SH2D4B: variants seen among roughly 807,000 people sequenced by gnomAD.
SH2D4B encodes the protein SH2 domain containing 4B.
A neutral mutation model predicts 61.5 loss-of-function variants in SH2D4B; 45 were observed. The ratio of observed to expected loss-of-function variants is 0.73; its 90% confidence interval spans 0.58 to 0.94. SH2D4B has a LOEUF of 0.94. Ranked by LOEUF, SH2D4B falls within the 40% of genes least tolerant of loss-of-function variation. The pLI is 0.00. For synonymous variants in SH2D4B, 224 were observed against 220.4 expected (o/e 1.02, Z -0.14); for missense variants, 572 against 574.2 (o/e 1.00, Z 0.04).
chr10:80,541,102 A>G (rs1841572592), intron 1 of SH2D4B, among the ~76,000 whole-genome samples: 1 of 152,216 alleles, frequency 6.6e-6, no homozygotes, highest in African/African-American at 2.4e-5. Flanking sequence ...CACCCAGCAG[A>G]GTCTGGGTTT....
chr10:80,642,295 A>G (rs1840321370), intron 7 of SH2D4B, among the ~76,000 whole-genome samples: 1 of 152,194 alleles, frequency 6.6e-6, no homozygotes, highest in African/African-American at 2.4e-5. Flanking sequence ...GAGTGACTTG[A>G]TTTTTTAACA....
At chr10:80,588,565 T>C in intron 3 of SH2D4B, 65 bp from the exon 4 acceptor site, 3 of 1,587,344 alleles carry the variant, frequency 1.9e-6, no homozygotes, top group African/African-American at 1.3e-5. Context: ...CCCAGAGATA[T>C]TTCTTTCTCG....
chr10:80,601,886 G>A (rs911808796), intron 4 of SH2D4B, among the ~76,000 whole-genome samples: 3 of 152,198 alleles, frequency 2.0e-5, no homozygotes, highest in African/African-American at 7.2e-5. Context: ...GAGAAGAGAA[G>A]GTGACTCACT....
chr10:80,549,819 C>T (rs1339486353), intron 1 of SH2D4B, among the ~76,000 whole-genome samples: 1 of 152,184 alleles, frequency 6.6e-6, no homozygotes, highest in Non-Finnish European at 1.5e-5. Context: ...ACCAGGTGGG[C>T]AGTGAGAGGA....
At position 80,587,327 on chromosome 10, in the gene SH2D4B, G is replaced by A. The variant is rs553188316; in HGVS notation, c.496-1303G>A. Among the ~76,000 whole-genome samples the A allele has an allele frequency of 2.6e-5, 4 of 151,328 alleles. No individual in the cohort carries two copies. The South Asian group carries it at 8.4e-4, about 32-fold the overall frequency. On this transcript the variant is annotated intron_variant, in intron 3 of 7. Transcript: ENST00000646907. ...TGGAGTTTTGCTCTTGTTGCCCAGG[G>A]TGGAGTGCAGTGGTGCGATCTCAGC...
At chr10:80,547,334 CA>C (rs1357044410) in intron 1 of SH2D4B, among the ~76,000 whole-genome samples, 1 of 152,182 alleles carries the variant, frequency 6.6e-6, no homozygotes, top group Non-Finnish European at 1.5e-5. Flanking sequence ...CTTGGGACAC[CA>C]TTGATTTTGG....
chr10:80,571,297 T>C, intron 2 of SH2D4B, 134 bp from the exon 3 acceptor site: 1 of 1,004,142 alleles, frequency 1.0e-6, no homozygotes, highest in Non-Finnish European at 1.4e-6. Flanking sequence ...GAATGCCTAT[T>C]TCTCCCTGTC....
At chr10:80,569,066 T>A (rs1842006159) in intron 1 of SH2D4B, among the ~76,000 whole-genome samples, 1 of 152,248 alleles carries the variant, frequency 6.6e-6, no homozygotes, top group Non-Finnish European at 1.5e-5. Context: ...GATACATTTT[T>A]ATTTTAATCC....
chr10:80,620,290 G>A (rs1020492286), intron 6 of SH2D4B, among the ~76,000 whole-genome samples: 1 of 152,142 alleles, frequency 6.6e-6, no homozygotes, highest in Non-Finnish European at 1.5e-5. Context: ...GTTTAAAAGT[G>A]TGTGGTACCT....
At chr10:80,560,746 C>G (rs967076722) in intron 1 of SH2D4B, among the ~76,000 whole-genome samples, 1 of 116,940 alleles carries the variant, frequency 8.6e-6, no homozygotes, top group Non-Finnish European at 1.6e-5. Context: ...CAATTAAGCT[C>G]TGATACACTG....
chr10:80,613,989 A>G (rs1270356289), intron 6 of SH2D4B, among the ~76,000 whole-genome samples: 2 of 152,192 alleles, frequency 1.3e-5, no homozygotes, highest in Non-Finnish European at 2.9e-5. Context: ...AGTCATTTTA[A>G]TGATTACTTC....
At chr10:80,557,402 A>C (rs12267227) in intron 1 of SH2D4B, among the ~76,000 whole-genome samples, 36,724 of 151,942 alleles carry the variant, frequency 0.24, 5,189 homozygotes, top group East Asian at 0.49. Flanking sequence ...GTGTTAGAAT[A>C]TATTCTCTCC....
At chr10:80,573,219 C>T (rs1589340566) in intron 3 of SH2D4B, among the ~76,000 whole-genome samples, 1 of 144,638 alleles carries the variant, frequency 6.9e-6, no homozygotes, top group African/African-American at 2.6e-5. Flanking sequence ...ATCTCCTGAC[C>T]TCGTGATCCG....
intron 1 of SH2D4B, chr10:80,540,685 C>G (rs2132098849): frequency 2.7e-6 from 2 of 730,290 alleles, no homozygotes; most frequent in East Asian, 5.5e-5. Flanking sequence ...TTCACTCATT[C>G]ACCAATTCAT....
At chr10:80,586,274 C>A (rs961804474) in intron 3 of SH2D4B, among the ~76,000 whole-genome samples, 3 of 152,218 alleles carry the variant, frequency 2.0e-5, no homozygotes, top group Admixed American at 6.5e-5. Flanking sequence ...CGGCGTGGGA[C>A]TGGCAGGCAT....
intron 3 of SH2D4B, among the ~76,000 whole-genome samples, chr10:80,579,995 C>T (rs1227891054): frequency 3.9e-5 from 6 of 152,170 alleles, no homozygotes; most frequent in African/African-American, 1.4e-4. Flanking sequence ...TATGGAGCAC[C>T]TGATATCTGC....
chr10:80,552,889 T>TTCTC (rs5786463), intron 1 of SH2D4B, among the ~76,000 whole-genome samples: 4 of 146,864 alleles, frequency 2.7e-5, no homozygotes, highest in Non-Finnish European at 3.0e-5. Context: ...CTCTCTTTCT[T>TTCTC]TCTCTCTCTC....
At chr10:80,563,114 G>C (rs535368748) in intron 1 of SH2D4B, among the ~76,000 whole-genome samples, 36 of 151,720 alleles carry the variant, frequency 2.4e-4, no homozygotes, top group Non-Finnish European at 4.1e-4. Flanking sequence ...TTTTAGCCGG[G>C]ATGGTCTCGA....
chr10:80,608,060 C>T (rs1040690456), intron 5 of SH2D4B, among the ~76,000 whole-genome samples: 10 of 152,158 alleles, frequency 6.6e-5, no homozygotes, highest in Non-Finnish European at 1.2e-4. Flanking sequence ...CCATGCCTGG[C>T]TAATTTTTGT....
Sources: gnomAD v4.1 joint callset for allele counts (sites outside exome capture counted in the v4.1 genomes callset) on GRCh38, gnomAD v4.1.1 for gene constraint, MANE v1.5 for transcripts, NCBI Gene and HGNC (gene_info 2026-07-23, HGNC 2026-07-21) for gene names.